The following TMEM232 variants were observed in gnomAD, a reference collection of about 807,000 sequenced individuals.
TMEM232 encodes transmembrane protein 232.
In TMEM232, 80 loss-of-function variants were observed where a neutral mutation model predicts 78.8. That is an observed-to-expected ratio of 1.01 (90% CI 0.85 to 1.22). The LOEUF (loss-of-function observed/expected upper bound fraction) is 1.22, where lower values mean the gene tolerates loss of function less well. TMEM232 is among the 50% of genes most tolerant of loss of function. TMEM232 has a pLI of 0.00. For missense variants in TMEM232, 881 were observed against 742.2 expected, an observed-to-expected ratio of 1.19 and a Z score of -2.17; for synonymous variants, 297 against 254.3, an observed-to-expected ratio of 1.17 and a Z score of -1.60.
At chr5:110,469,982 C>T (rs75527647) in intron 12 of TMEM232, among the ~76,000 whole-genome samples, 3,210 of 152,178 alleles carry the variant, frequency 0.021, 74 homozygotes, top group African/African-American at 0.058. Context: ...CCTGCCCCCC[C>T]GGAACCCCAG....
At chr5:110,452,677 T>C (rs1055905171) in intron 12 of TMEM232, among the ~76,000 whole-genome samples, 3 of 152,104 alleles carry the variant, frequency 2.0e-5, no homozygotes, top group East Asian at 1.9e-4. Flanking sequence ...TGAGAAGAAA[T>C]AGAAGAGTCA....
At chr5:110,687,554 C>T (rs1422485) in intron 1 of TMEM232, among the ~76,000 whole-genome samples, 2,886 of 152,142 alleles carry the variant, frequency 0.019, 81 homozygotes, top group African/African-American at 0.067. Flanking sequence ...AAAATAAAAT[C>T]CAAACTCATA....
At chr5:110,593,777 T>C (rs1007920468) in intron 10 of TMEM232, among the ~76,000 whole-genome samples, 1 of 152,142 alleles carries the variant, frequency 6.6e-6, no homozygotes, top group Non-Finnish European at 1.5e-5. Flanking sequence ...GTGCCTATAG[T>C]CAATAATAAT....
chr5:110,609,894 C>G (rs1781976712), intron 8 of TMEM232, among the ~76,000 whole-genome samples: 1 of 151,992 alleles, frequency 6.6e-6, no homozygotes, highest in Admixed American at 6.6e-5. Flanking sequence ...GAGTATCAGT[C>G]TCAGTACTCA....
At chr5:110,716,366 T>C (rs1797012368) in intron 1 of TMEM232, among the ~76,000 whole-genome samples, 1 of 152,148 alleles carries the variant, frequency 6.6e-6, no homozygotes, top group South Asian at 2.1e-4. Flanking sequence ...ACATTGTAAG[T>C]AATAATGAAA....
chr5:110,455,454 T>G (rs956552431), intron 12 of TMEM232, among the ~76,000 whole-genome samples: 19 of 151,918 alleles, frequency 1.3e-4, no homozygotes, highest in Admixed American at 2.6e-4. Flanking sequence ...CTCGGCTCAC[T>G]GCAAGCTCCA....
chr5:110,699,766 AT>A (rs1367791726), intron 1 of TMEM232, among the ~76,000 whole-genome samples: 1 of 151,824 alleles, frequency 6.6e-6, no homozygotes, highest in Admixed American at 6.6e-5. Context: ...CCTTGTCCAG[AT>A]TTTCTTCACT....
chr5:110,642,261 T>C lies in TMEM232; in HGVS notation c.236A>G (p.Lys79Arg). ...AACAATCAAATGATATGCCATTACCTTACATCTGAGAATGATTTTTCTAGC... is the reference window on the plus strand; with the variant it reads ...AACAATCAAATGATATGCCATTACCCTACATCTGAGAATGATTTTTCTAGC... ...ELARKIILRC[K>R]RKLGLKTLGS... is the part of the protein sequence containing the mutation. The change falls in exon 3 of 14, where the codon AAG becomes AGG. Residue 79 changes from lysine to arginine, a missense_variant and splice_region_variant. By Grantham distance (26) the Lys-to-Arg change is conservative. Transcript: ENST00000455884. 1 of 1,529,180 alleles carries C rather than the reference T, an allele frequency of 6.5e-7. No homozygotes were observed. The allele number at this position is 1,529,180 out of a possible 1,614,324, so 94.7% of individuals were successfully genotyped here.
intron 12 of TMEM232, among the ~76,000 whole-genome samples, chr5:110,460,415 T>C (rs1245829852): frequency 2.0e-5 from 3 of 152,108 alleles, no homozygotes; most frequent in Non-Finnish European, 2.9e-5. Flanking sequence ...TCTATAGTAA[T>C]CTCACAACTT....
chr5:110,503,425 T>C (rs1303592671), intron 12 of TMEM232, among the ~76,000 whole-genome samples: 1 of 152,178 alleles, frequency 6.6e-6, no homozygotes, highest in Non-Finnish European at 1.5e-5. Context: ...ATGAGTTCAA[T>C]TTCAGATATG....
At chr5:110,418,437 GAA>G (rs988497505), downstream of TMEM232, among the ~76,000 whole-genome samples, 1 of 152,058 alleles carries the variant, frequency 6.6e-6, no homozygotes, top group Non-Finnish European at 1.5e-5. Context: ...TGAAATAGGA[GAA>G]AGACCATGAG....
At chr5:110,569,739 C>T (rs568201233) in intron 10 of TMEM232, among the ~76,000 whole-genome samples, 10 of 151,808 alleles carry the variant, frequency 6.6e-5, no homozygotes, top group South Asian at 4.2e-4. Context: ...TAGCTAGTAC[C>T]GGAGGGGGTA....
At chr5:110,511,617 G>T (rs1767765996) in intron 12 of TMEM232, among the ~76,000 whole-genome samples, 1 of 151,714 alleles carries the variant, frequency 6.6e-6, no homozygotes, top group South Asian at 2.1e-4. Flanking sequence ...ACATTTACTT[G>T]ACTACCTAAT....
At chr5:110,431,643 A>AATAAATAT (rs1757863796) in intron 12 of TMEM232, among the ~76,000 whole-genome samples, 1 of 151,724 alleles carries the variant, frequency 6.6e-6, no homozygotes, top group South Asian at 2.1e-4. Context: ...AGTATATTTA[A>AATAAATAT]ATAAATAGCC....
At chr5:110,676,112 A>C (rs1207791282) in intron 1 of TMEM232, among the ~76,000 whole-genome samples, 2 of 152,188 alleles carry the variant, frequency 1.3e-5, no homozygotes. Context: ...CTTATTTTTA[A>C]AAGCTAAATT....
chr5:110,500,547 A>G lies in TMEM232; in HGVS notation c.1703+28041T>C, dbSNP rs138243750. Among the ~76,000 whole-genome samples the G allele has an allele frequency of 1.5e-3, 234 of 152,240 alleles. 1 individual carries two copies. Among genetic ancestry groups the G allele is most frequent in the African/African-American group, 5.5e-3 (229 of 41,574 alleles). ...ATCTCAAAGCAGAGTTTAGAGGGAA[A>G]TTTATAGCAGTGAAGATGTATATGA... On this transcript the variant is annotated intron_variant, in intron 12 of 13. Coordinates refer to ENST00000455884, the MANE Select transcript of TMEM232 (RefSeq NM_001039763.4).
intron 2 of TMEM232, among the ~76,000 whole-genome samples, chr5:110,658,434 T>C (rs1189010354): frequency 6.6e-6 from 1 of 152,158 alleles, no homozygotes; most frequent in Non-Finnish European, 1.5e-5. Context: ...GCCCTCCTTC[T>C]TGGTAGTTAT....
chr5:110,727,136 C>T (rs1417831106), upstream of TMEM232, among the ~76,000 whole-genome samples: 3 of 152,238 alleles, frequency 2.0e-5, no homozygotes, highest in East Asian at 3.9e-4. Context: ...CACCAGAGGG[C>T]GAATTTAAAC....
At chr5:110,480,043 A>G (rs992452752) in intron 12 of TMEM232, among the ~76,000 whole-genome samples, 1 of 151,646 alleles carries the variant, frequency 6.6e-6, no homozygotes, top group African/African-American at 2.4e-5. Context: ...AACTTTCAGC[A>G]TTTGTCTTTG....
Sources: allele counts gnomAD v4.1 joint callset (sites outside exome capture counted in the v4.1 genomes callset), GRCh38; gene constraint gnomAD v4.1.1; transcripts MANE v1.5; gene names NCBI Gene and HGNC (gene_info 2026-07-23, HGNC 2026-07-21).